Variants in NHEJ1 observed in about 807,000 individuals in gnomAD.
The protein encoded by NHEJ1 is non-homologous end-joining factor 1.
NHEJ1 carries 22 observed loss-of-function variants against 39.4 expected under a neutral mutation model. That is an observed-to-expected ratio of 0.56 (90% confidence interval 0.40 to 0.80). NHEJ1 has a LOEUF of 0.80. NHEJ1 is among the 30% of genes least tolerant of loss of function. The pLI is 0.00. For synonymous variants in NHEJ1, 154 were observed against 135.6 expected, an observed-to-expected ratio of 1.14 and a Z score of -0.94; for missense variants, 329 against 357.1, an observed-to-expected ratio of 0.92 and a Z score of 0.63.
intron 5 of NHEJ1, among the ~76,000 whole-genome samples, chr2:219,087,575 C>T (rs1574704469): frequency 6.6e-6 from 1 of 152,160 alleles, no homozygotes; most frequent in East Asian, 1.9e-4. Flanking sequence ...CTCCCTGCCC[C>T]CATCCCGCCT....
At chr2:219,114,609 A>G (rs1420865092) in intron 5 of NHEJ1, among the ~76,000 whole-genome samples, 1 of 152,202 alleles carries the variant, frequency 6.6e-6, no homozygotes, top group East Asian at 1.9e-4. Flanking sequence ...ATGCAGCCCA[A>G]CAAGAAGGAC....
chr2:219,077,242 T>C lies in NHEJ1; in HGVS notation c.825+4A>G. On this transcript the variant is annotated splice_donor_region_variant and intron_variant, in intron 7 of 7. Coordinates refer to ENST00000356853, the MANE Select transcript of NHEJ1 (RefSeq NM_024782.3). ...CACCATCCAGGAAGCTGCTCATGAC[T>C]CACCGTGGACTCTTTCTCAGGTGCT... The C allele has an allele frequency of 6.2e-7, 1 of 1,609,446 alleles. No homozygotes were observed. Among genetic ancestry groups the C allele is most frequent in the Admixed American group, 1.7e-5 (1 of 60,016 alleles).
At position 219,070,212 on chromosome 2, in the gene NHEJ1, A is replaced by G. The variant is rs1948943910; in HGVS notation, c.*6169T>C. ...TTTTTTATTTTTATTTTTGAGATGGAGTCTTGCTCTGTCGCCCAGGGTGGA... is the reference window on the plus strand; with the variant it reads ...TTTTTTATTTTTATTTTTGAGATGGGGTCTTGCTCTGTCGCCCAGGGTGGA... On this transcript the variant is annotated 3_prime_UTR_variant, in exon 8 of 8. Coordinates refer to ENST00000356853, the MANE Select transcript of NHEJ1 (RefSeq NM_024782.3). Among the ~76,000 whole-genome samples the G allele has an allele frequency of 6.6e-6, 1 of 152,022 alleles. No individual in the cohort carries two copies. Among genetic ancestry groups the G allele is most frequent in the African/African-American group, 2.4e-5 (1 of 41,372 alleles).
chr2:219,077,219 C>G, intron 7 of NHEJ1, 27 bp downstream of exon 7: 1 of 1,555,604 alleles, frequency 6.4e-7, no homozygotes, highest in South Asian at 1.1e-5. Context: ...TCTCAGAACA[C>G]CATCCAGGAA....
intron 5 of NHEJ1, among the ~76,000 whole-genome samples, chr2:219,145,636 A>G (rs980929958): frequency 1.3e-5 from 2 of 152,226 alleles, no homozygotes; most frequent in African/African-American, 4.8e-5. Flanking sequence ...ATATATAATT[A>G]GAAAATGGGG....
intron 5 of NHEJ1, among the ~76,000 whole-genome samples, chr2:219,133,396 T>A (rs572604971): frequency 2.0e-5 from 3 of 152,388 alleles, no homozygotes; most frequent in African/African-American, 7.2e-5. Context: ...GAGAGAGTCC[T>A]CTCATGACAC....
chr2:219,140,508 G>C (rs985955035), intron 5 of NHEJ1, among the ~76,000 whole-genome samples: 3 of 152,136 alleles, frequency 2.0e-5, no homozygotes, highest in Admixed American at 6.5e-5. Flanking sequence ...GTGAGATTAC[G>C]GGCATAGTTT....
At position 219,150,848 on chromosome 2, in the gene NHEJ1, C is replaced by T. The variant is rs545696662; in HGVS notation, c.391-3053G>A. Among the ~76,000 whole-genome samples the T allele has an allele frequency of 5.9e-5, 9 of 151,754 alleles. No individual in the cohort carries two copies. In the South Asian group the frequency reaches 1.5e-3, roughly 25 times the overall value. ...GCGGGTGCCTGTAATTCCAGCTACT[C>T]GGGAGGCTGAGACAGAAGAATCGCC... On this transcript the variant is annotated intron_variant, in intron 3 of 7. Coordinates refer to ENST00000356853, the MANE Select transcript of NHEJ1 (RefSeq NM_024782.3).
At chr2:219,089,406 TAAG>T (rs748232009) in intron 5 of NHEJ1, among the ~76,000 whole-genome samples, 1 of 152,220 alleles carries the variant, frequency 6.6e-6, no homozygotes. Flanking sequence ...TGTTCTACCA[TAAG>T]AAGGAATAAA....
At chr2:219,124,235 T>C (rs899832575) in intron 5 of NHEJ1, among the ~76,000 whole-genome samples, 2 of 152,074 alleles carry the variant, frequency 1.3e-5, no homozygotes, top group South Asian at 2.1e-4. Context: ...GAATAAAGAA[T>C]TGATATCAGC....
intron 5 of NHEJ1, among the ~76,000 whole-genome samples, chr2:219,139,360 T>C (rs1442689497): frequency 6.6e-6 from 1 of 152,036 alleles, no homozygotes; most frequent in Non-Finnish European, 1.5e-5. Context: ...AGTGCTGGGA[T>C]TACAGGCATG....
At chr2:219,106,090 A>G (rs972144234) in intron 5 of NHEJ1, among the ~76,000 whole-genome samples, 4 of 152,232 alleles carry the variant, frequency 2.6e-5, no homozygotes, top group Non-Finnish European at 5.9e-5. Flanking sequence ...CGTTCATTCC[A>G]TGAATGAATG....
intron 5 of NHEJ1, among the ~76,000 whole-genome samples, chr2:219,082,322 T>G (rs1242287280): frequency 6.6e-6 from 1 of 152,228 alleles, no homozygotes; most frequent in Non-Finnish European, 1.5e-5. Flanking sequence ...TTCTTGTCCC[T>G]ACTGCAGCCC....
intron 3 of NHEJ1, among the ~76,000 whole-genome samples, chr2:219,155,917 C>T (rs1463940064): frequency 2.9e-5 from 4 of 139,638 alleles, no homozygotes; most frequent in Admixed American, 2.2e-4. Flanking sequence ...AGCGAGACTC[C>T]GTCTCAAAAA....
intron 5 of NHEJ1, among the ~76,000 whole-genome samples, chr2:219,141,680 A>G (rs2106358263): frequency 6.6e-6 from 1 of 152,266 alleles, no homozygotes; most frequent in East Asian, 1.9e-4. Flanking sequence ...GAAATGCCAA[A>G]CATGCAGAAA....
At chr2:219,082,690 T>C (rs1387557115) in intron 5 of NHEJ1, among the ~76,000 whole-genome samples, 2 of 152,222 alleles carry the variant, frequency 1.3e-5, no homozygotes, top group African/African-American at 4.8e-5. Context: ...AGCATGTCTT[T>C]GGTTCTGGCA....
Position 219,131,809 on chromosome 2 carries a change from C to A in NHEJ1, c.588+14871G>T, listed in dbSNP as rs543056792. ...AAAAGAGGCAGTACTTGGGGCAGAG[C>A]GCTCTAGCTTTGAACCATTTTCCTA... On this transcript the variant is annotated intron_variant, in intron 5 of 7. Transcript: ENST00000356853. Among the ~76,000 whole-genome samples, 33 of 152,308 alleles carry A rather than the reference C, an allele frequency of 2.2e-4. 1 individual carries two copies. Among genetic ancestry groups the A allele is most frequent in the African/African-American group, 7.5e-4 (31 of 41,568 alleles).
chr2:219,132,312 G>A (rs1949586311), intron 5 of NHEJ1, among the ~76,000 whole-genome samples: 1 of 152,114 alleles, frequency 6.6e-6, no homozygotes, highest in Non-Finnish European at 1.5e-5. Context: ...ATTTAGGGGG[G>A]GATACTCTGC....
chr2:219,101,262 G>A (rs958268471), intron 5 of NHEJ1, among the ~76,000 whole-genome samples: 10 of 151,926 alleles, frequency 6.6e-5, no homozygotes, highest in African/African-American at 2.2e-4. Context: ...TTACAGGCGC[G>A]TACCACCACA....
Sources: gnomAD v4.1 joint callset for allele counts (sites outside exome capture counted in the v4.1 genomes callset) on GRCh38, gnomAD v4.1.1 for gene constraint, MANE v1.5 for transcripts, NCBI Gene and HGNC (gene_info 2026-07-23, HGNC 2026-07-21) for gene names.